CCDC178: variants seen among roughly 807,000 people sequenced by gnomAD.
The protein encoded by CCDC178 is coiled-coil domain-containing protein 178.
CCDC178 carries 126 observed loss-of-function variants against 117.4 expected under a neutral mutation model. The ratio of observed to expected loss-of-function variants is 1.07; its 90% CI spans 0.93 to 1.24. CCDC178 has a LOEUF of 1.24. Among genes scored for constraint, CCDC178 ranks in the 50% most tolerant of loss-of-function variants. The pLI is 0.00. For synonymous variants in CCDC178, 283 were observed against 313.4 expected (o/e 0.90, Z 1.02); for missense variants, 1,030 against 986.9 (o/e 1.04, Z -0.59).
chr18:33,342,314 T>A (rs2062827113), intron 9 of CCDC178, among the ~76,000 whole-genome samples: 1 of 152,202 alleles, frequency 6.6e-6, no homozygotes, highest in African/African-American at 2.4e-5. Flanking sequence ...TGAAATATGT[T>A]GAAACCATAG....
intron 21 of CCDC178, among the ~76,000 whole-genome samples, chr18:33,066,990 T>G (rs2057028344): frequency 6.6e-6 from 1 of 152,172 alleles, no homozygotes; most frequent in South Asian, 2.1e-4. Context: ...AAACTGCAGT[T>G]TAGACCTAAT....
chr18:33,389,515 T>A (rs553376678), intron 5 of CCDC178, 25 bp downstream of exon 5: 1 of 1,151,616 alleles, frequency 8.7e-7, no homozygotes, highest in East Asian at 2.6e-5. Context: ...TATAGTTTAC[T>A]ATATGATTTA....
chr18:33,031,716 A>G (rs1055996720), intron 21 of CCDC178, among the ~76,000 whole-genome samples: 8 of 152,026 alleles, frequency 5.3e-5, no homozygotes, highest in Non-Finnish European at 1.0e-4. Flanking sequence ...TGTTATAATG[A>G]TTCAAGTCCT....
chr18:33,351,425 T>A (rs914449831), intron 7 of CCDC178, among the ~76,000 whole-genome samples: 12 of 152,156 alleles, frequency 7.9e-5, no homozygotes, highest in African/African-American at 2.9e-4. Context: ...ACTCCTGACC[T>A]CAGGTGATCC....
At chr18:33,104,215 T>C (rs540172397) in intron 20 of CCDC178, among the ~76,000 whole-genome samples, 3 of 151,812 alleles carry the variant, frequency 2.0e-5, no homozygotes, top group South Asian at 2.1e-4. Flanking sequence ...AGGGGCTTAA[T>C]AGAAAACCTC....
At chr18:33,148,421 A>AGGGAGAGGGAGAGGGAGACCGTG (rs1237477424) in intron 20 of CCDC178, among the ~76,000 whole-genome samples, 7 of 149,342 alleles carry the variant, frequency 4.7e-5, no homozygotes, top group South Asian at 2.2e-4. Context: ...GTGGAGAGAG[A>AGGGAGAGGGAGAGGGAGACCGTG]GGGAGAGGGA....
chr18:33,325,358 A>G (rs1163998571), intron 10 of CCDC178, among the ~76,000 whole-genome samples: 2 of 152,064 alleles, frequency 1.3e-5, no homozygotes. Context: ...GCACAGTGCT[A>G]TAATACATTT....
At chr18:33,362,204 T>TATAA (rs1555692719) in intron 6 of CCDC178, among the ~76,000 whole-genome samples, 1 of 150,436 alleles carries the variant, frequency 6.6e-6, no homozygotes, top group African/African-American at 2.4e-5. Flanking sequence ...TATATATATA[T>TATAA]AGCTAATATT....
intron 12 of CCDC178, among the ~76,000 whole-genome samples, chr18:33,268,441 C>G (rs2059846172): frequency 1.3e-5 from 2 of 151,660 alleles, no homozygotes; most frequent in African/African-American, 4.8e-5. Flanking sequence ...GTCTCTATAC[C>G]TCACATCTAA....
intron 11 of CCDC178, among the ~76,000 whole-genome samples, chr18:33,322,706 A>C (rs964995467): frequency 4.0e-5 from 6 of 151,776 alleles, no homozygotes; most frequent in Non-Finnish European, 7.4e-5. Flanking sequence ...TATAAAAGAG[A>C]TTTCTTTATT....
At chr18:32,987,695 G>A (rs1402105446) in intron 21 of CCDC178, among the ~76,000 whole-genome samples, 2 of 152,118 alleles carry the variant, frequency 1.3e-5, no homozygotes, top group African/African-American at 4.8e-5. Context: ...GAACTGACAT[G>A]ATATAAACCA....
At chr18:33,373,463 A>C (rs955426921) in intron 5 of CCDC178, among the ~76,000 whole-genome samples, 1 of 152,094 alleles carries the variant, frequency 6.6e-6, no homozygotes, top group Admixed American at 6.6e-5. Context: ...TTTTGCTTTC[A>C]CTAGCAATTT....
At chr18:33,333,647 G>T (rs977604321) in intron 9 of CCDC178, among the ~76,000 whole-genome samples, 1 of 151,414 alleles carries the variant, frequency 6.6e-6, no homozygotes, top group African/African-American at 2.4e-5. Flanking sequence ...CAAGCAGTTG[G>T]GATTACAGGC....
At chr18:33,264,169 T>C (rs2059785724) in intron 14 of CCDC178, among the ~76,000 whole-genome samples, 1 of 152,122 alleles carries the variant, frequency 6.6e-6, no homozygotes, top group South Asian at 2.1e-4. Flanking sequence ...CATACATTTG[T>C]AATGTAATAT....
At chr18:33,249,380 C>G (rs2059589996) in intron 14 of CCDC178, among the ~76,000 whole-genome samples, 1 of 152,078 alleles carries the variant, frequency 6.6e-6, no homozygotes, top group Non-Finnish European at 1.5e-5. Context: ...AAGTTTTCTT[C>G]TAGGGTTTTT....
intron 20 of CCDC178, among the ~76,000 whole-genome samples, chr18:33,203,396 T>C (rs1485846021): frequency 2.0e-5 from 3 of 152,278 alleles, no homozygotes; most frequent in Non-Finnish European, 2.9e-5. Flanking sequence ...CATCTTAACT[T>C]ATGCAGTAAA....
At chr18:33,082,250 C>T (rs761757364) in intron 21 of CCDC178, among the ~76,000 whole-genome samples, 12 of 152,058 alleles carry the variant, frequency 7.9e-5, no homozygotes, top group Non-Finnish European at 1.3e-4. Flanking sequence ...GCAGGCAGAT[C>T]GCTTGAGCTC....
intron 19 of CCDC178, among the ~76,000 whole-genome samples, chr18:33,212,793 G>C (rs2059123353): frequency 6.6e-6 from 1 of 151,846 alleles, no homozygotes; most frequent in Non-Finnish European, 1.5e-5. Context: ...TAACTTTTAT[G>C]GTGAACTCAG....
At chr18:33,235,520 G>A (rs1336973611) in intron 15 of CCDC178, among the ~76,000 whole-genome samples, 2 of 151,948 alleles carry the variant, frequency 1.3e-5, no homozygotes, top group Admixed American at 6.6e-5. Flanking sequence ...ATGTATAAGG[G>A]GTTTTTCATA....
Sources: allele counts gnomAD v4.1 joint callset (sites outside exome capture counted in the v4.1 genomes callset), GRCh38; gene constraint gnomAD v4.1.1; transcripts MANE v1.5; gene names NCBI Gene and HGNC (gene_info 2026-07-23, HGNC 2026-07-21).